Variants in HOMEZ observed in about 807,000 individuals in gnomAD.
HOMEZ encodes homeobox and leucine zipper protein Homez.
Under a neutral mutation model 50.1 loss-of-function variants are expected in HOMEZ, and 20 were observed. The observed-to-expected ratio is 0.40, with a 90% confidence interval of 0.28 to 0.58. The LOEUF (loss-of-function observed/expected upper bound fraction) is 0.58. Among genes scored for constraint, HOMEZ ranks in the 20% least tolerant of loss-of-function variants. The pLI, the probability that HOMEZ is intolerant of heterozygous loss-of-function variation, is 0.46. For synonymous variants in HOMEZ, 239 were observed against 254.7 expected (o/e 0.94, Z 0.59); for missense variants, 579 against 680.5 (o/e 0.85, Z 1.66).
rs148821950 is a variant in HOMEZ, at chr14:23,273,277, T to C, written c.*2298A>G. ...TGGATTTCATTTTTAGCTTTGGATA[T>C]ACTGTCCCATTGCCAATGTTAACGA... On this transcript the variant is annotated 3_prime_UTR_variant, in exon 2 of 2. Transcript: ENST00000357460. 1,775 of 158,468 alleles carry C rather than the reference T, an allele frequency of 0.011. 12 individuals are homozygous for C. The highest frequency in any genetic ancestry group is 0.015 in the Non-Finnish European group (1,089 of 72,112). 9.8% of individuals were successfully genotyped at this position (158,468 alleles called of 1,614,324 possible). A position where few individuals can be genotyped will look rare whatever the true frequency, so the allele number is the denominator to read the frequency against.
rs1886310666 is a variant in HOMEZ, at chr14:23,275,046, T to C, written c.*529A>G. 3 of 152,824 alleles carry C rather than the reference T, an allele frequency of 2.0e-5. No homozygotes were observed. Among genetic ancestry groups the C allele is most frequent in the Non-Finnish European group, 4.4e-5 (3 of 68,548 alleles). The allele number at this position is 152,824 out of a possible 1,614,324, so 9.5% of individuals were successfully genotyped here. On this transcript the variant is annotated 3_prime_UTR_variant, in exon 2 of 2. Transcript: ENST00000357460. The stretch of plus-strand genomic sequence containing the variant: ...GGACTTATTGAGAATCTTGGTTGTC[T>C]AGGAAATGATCAGTTACTAAGAAAA...
chr14:23,281,268 T>A (rs1452275664), intron 1 of HOMEZ, among the ~76,000 whole-genome samples: 1 of 152,148 alleles, frequency 6.6e-6, no homozygotes, highest in East Asian at 1.9e-4. Flanking sequence ...AACAAGCAAA[T>A]CTAACTAACT....
At position 23,273,044 on chromosome 14, in the gene HOMEZ, C is replaced by A. The variant is rs915878049; in HGVS notation, c.*2531G>T. 2 of 511,506 alleles carry A rather than the reference C, an allele frequency of 3.9e-6. No individual in the cohort carries two copies. Among genetic ancestry groups the A allele is most frequent in the Non-Finnish European group, 3.4e-6 (1 of 290,782 alleles). The allele number at this position is 511,506 out of a possible 1,614,324, so 31.7% of individuals were successfully genotyped here. On this transcript the variant is annotated 3_prime_UTR_variant, in exon 2 of 2. Coordinates refer to ENST00000357460, the MANE Select transcript of HOMEZ (RefSeq NM_020834.3). ...CTCCCCCCATCTTTACCCTATTCACCCTTATCACCTCCCAGGACAGTGGTC... is the reference window on the plus strand; with the variant it reads ...CTCCCCCCATCTTTACCCTATTCACACTTATCACCTCCCAGGACAGTGGTC...
At chr14:23,280,031 G>A (rs1225314594) in intron 1 of HOMEZ, among the ~76,000 whole-genome samples, 1 of 151,978 alleles carries the variant, frequency 6.6e-6, no homozygotes, top group Non-Finnish European at 1.5e-5. Context: ...ATATCTGGAA[G>A]GTAGGACAGC....
chr14:23,283,141 A>AGTGGTG (rs886968322), intron 1 of HOMEZ, among the ~76,000 whole-genome samples: 1 of 152,140 alleles, frequency 6.6e-6, no homozygotes, highest in African/African-American at 2.4e-5. Context: ...CAGAGGAGGT[A>AGTGGTG]GTGGTGGTGG....
Position 23,276,353 on chromosome 14 carries a change from AAAG to A in HOMEZ, c.872_874del (p.Ser291del), listed in dbSNP as rs765822715. On this transcript the variant is annotated inframe_deletion, in exon 2 of 2. Transcript: ENST00000357460. This position sits in a 1 kb window ranked among gnomAD's most constrained non-coding sequence, Gnocchi z 4.1. ...AGTAGCTCCATTAGCCAGTACCTGGAAAGAAGAAGAGGTAGAGGAAGAAGAGGG... is the reference window on the plus strand; with the variant it reads ...AGTAGCTCCATTAGCCAGTACCTGGAAAGAAGAGGTAGAGGAAGAAGAGGG... 70 of 1,613,826 alleles carry A rather than the reference AAAG, an allele frequency of 4.3e-5. No homozygotes were observed. The highest frequency in any genetic ancestry group is 5.5e-5 in the Non-Finnish European group (65 of 1,179,876).
rs1886309676 is a variant in HOMEZ, at chr14:23,275,011, G to A, written c.*564C>T. The A allele has an allele frequency of 6.6e-6, 1 of 152,288 alleles. No homozygotes were observed. Among genetic ancestry groups the A allele is most frequent in the African/African-American group, 2.4e-5 (1 of 41,434 alleles). 9.4% of individuals were successfully genotyped at this position (152,288 alleles called of 1,614,324 possible). A position where few individuals can be genotyped will look rare whatever the true frequency, so the allele number is the denominator to read the frequency against. ...AGGAAAAGGAAATATTAATATTTGT[G>A]ATGAGACTGGGACTTATTGAGAATC... On this transcript the variant is annotated 3_prime_UTR_variant, in exon 2 of 2. Coordinates refer to ENST00000357460, the MANE Select transcript of HOMEZ (RefSeq NM_020834.3).
chr14:23,280,755 T>TTTATTTTA, intron 1 of HOMEZ, among the ~76,000 whole-genome samples: 4 of 85,150 alleles, frequency 4.7e-5, no homozygotes, highest in Non-Finnish European at 1.0e-4. Context: ...TTTATTTTAT[T>TTTATTTTA]TTATTTTATT....
intron 1 of HOMEZ, among the ~76,000 whole-genome samples, chr14:23,280,697 TTTTATATTTTTA>T (rs1212618084): frequency 1.7e-5 from 2 of 115,288 alleles, no homozygotes; most frequent in South Asian, 2.6e-4. Context: ...TTATTTTTAT[TTTTATATTTTTA>T]TTTTTATTTT....
chr14:23,276,756 G>A lies in HOMEZ; in HGVS notation c.472C>T (p.Pro158Ser). 1 of 1,614,032 alleles carries A rather than the reference G, an allele frequency of 6.2e-7. No homozygotes were observed. The highest frequency in any genetic ancestry group is 8.5e-7 in the Non-Finnish European group (1 of 1,179,900). The change falls in exon 2 of 2, where the codon CCA (proline) becomes TCA (serine). Residue 158 changes from proline to serine, a missense_variant. Physicochemically the swap from Pro to Ser is moderately conservative, Grantham distance 74. Transcript: ENST00000357460. The surrounding 1 kb of genome is among the most constrained non-coding windows in gnomAD (Gnocchi z 4.1). ...PPEEVPPPPV[P>S]APEQVGIGIG... ...CCAATACCAACTTGCTCTGGAGCTG[G>A]CACTGGAGGAGGAGGCACCTCCTCT...
In HOMEZ at chr14:23,272,918, TG is replaced by T; in HGVS notation, c.*2656del. 7.3e-7 allele frequency: 1 copy of T among 1,378,892 alleles called. No individual in the cohort carries two copies. Among genetic ancestry groups the T allele is most frequent in the Non-Finnish European group, 9.9e-7 (1 of 1,005,102 alleles). 85.4% of individuals were successfully genotyped at this position (1,378,892 alleles called of 1,614,324 possible). A position where few individuals can be genotyped will look rare whatever the true frequency, so the allele number is the denominator to read the frequency against. On this transcript the variant is annotated 3_prime_UTR_variant, in exon 2 of 2. Coordinates refer to ENST00000357460, the MANE Select transcript of HOMEZ (RefSeq NM_020834.3). ...TCATCTTCAAGATCTGATCTATACA[TG>T]CTGCTGAAGGATGGACTGTAGCTTC...
intron 1 of HOMEZ, among the ~76,000 whole-genome samples, chr14:23,281,799 AAATAATAATAATAATAATAAT>A (rs55828215): frequency 1.5e-5 from 2 of 137,448 alleles, no homozygotes; most frequent in Admixed American, 1.5e-4. Context: ...CTGTCTCTAC[AAATAATAATAATAATAATAAT>A]AATAATAATA....
chr14:23,275,612 TC>T lies in HOMEZ; in HGVS notation c.1615del (p.Asp539MetfsTer8). 4.6e-6 allele frequency: 7 copies of T among 1,528,306 alleles called. No individual in the cohort carries two copies. Among genetic ancestry groups the T allele is most frequent in the Non-Finnish European group, 5.3e-6 (6 of 1,134,726 alleles). 94.7% of individuals were successfully genotyped at this position (1,528,306 alleles called of 1,614,324 possible). On this transcript the variant is annotated frameshift_variant, in exon 2 of 2. Coordinates refer to ENST00000357460, the MANE Select transcript of HOMEZ (RefSeq NM_020834.3). LOFTEE classifies it high-confidence loss of function. Reference protein sequence around the residue: ...EEEEEEEEEDDDDDDDDVIIQ... With the variant: ...EEEEEEEEEDXDDDDDDVIIQ... The stretch of plus-strand genomic sequence containing the variant: ...GATCACATCATCATCATCATCATCA[TC>T]ATCTTCCTCCTCCTCCTCCTCCTCT...
intron 1 of HOMEZ, among the ~76,000 whole-genome samples, chr14:23,280,371 C>T (rs1418344931): frequency 1.3e-5 from 2 of 152,140 alleles, no homozygotes; most frequent in East Asian, 3.9e-4. Context: ...TCACTAACAG[C>T]CCCCTCCACA....
In HOMEZ at chr14:23,276,199, T is replaced by A. The variant is rs777767632; in HGVS notation, c.1029A>T (p.Arg343Ser). ...GGGAAAGGTACTCTGTGGGGCCAAC[T>A]CTACCTGGTACTGAGTTATGCCGTA... ...QGLRHNSVPG[R>S]VGPTEYLSPD... is the part of the protein sequence containing the mutation. Residue 343 changes from arginine to serine, a missense_variant, in exon 2 of 2, where the codon AGA becomes AGT. Coordinates refer to ENST00000357460, the MANE Select transcript of HOMEZ (RefSeq NM_020834.3). This position sits in a 1 kb window ranked among gnomAD's most constrained non-coding sequence, Gnocchi z 4.1. 2 of 1,614,026 alleles carry A rather than the reference T, an allele frequency of 1.2e-6. No homozygotes were observed. The highest frequency in any genetic ancestry group is 1.7e-6 in the Non-Finnish European group (2 of 1,179,902).
At chr14:23,281,851 C>G (rs1303102502) in intron 1 of HOMEZ, among the ~76,000 whole-genome samples, 1 of 149,152 alleles carries the variant, frequency 6.7e-6, no homozygotes, top group Non-Finnish European at 1.5e-5. Context: ...AAAATATTAG[C>G]TGGGCATGGT....
At chr14:23,282,259 G>A (rs1489087647) in intron 1 of HOMEZ, among the ~76,000 whole-genome samples, 2 of 152,080 alleles carry the variant, frequency 1.3e-5, no homozygotes, top group Admixed American at 1.3e-4. Flanking sequence ...GGAAACCAGT[G>A]TATCTGTGAT....
At position 23,277,124 on chromosome 14, in the gene HOMEZ, C is replaced by A. The variant is rs769131574; in HGVS notation, c.104G>T (p.Ser35Ile). ...MPPNKEASGL[S>I]SSPAGLICLP... is the part of the protein sequence containing the mutation. ...GCAGATGAGCCCCGCTGGTGAACTA[C>A]TGAGACCGCTGGCCTCTTTATTAGG... The change falls in exon 2 of 2, where the codon AGT (serine) becomes ATT (isoleucine). Residue 35 changes from serine (S) to isoleucine (I), a missense_variant. By Grantham distance (142) the Ser-to-Ile change is moderately radical. Transcript: ENST00000357460. 1 of 1,613,310 alleles carries A rather than the reference C, an allele frequency of 6.2e-7. No homozygotes were observed. The highest frequency in any genetic ancestry group is 8.5e-7 in the Non-Finnish European group (1 of 1,179,508).
intron 1 of HOMEZ, among the ~76,000 whole-genome samples, chr14:23,284,820 C>T (rs761741374): frequency 2.0e-5 from 3 of 152,296 alleles, no homozygotes; most frequent in South Asian, 4.1e-4. Context: ...ATTCATACTT[C>T]ACTTTAAATA....
Sources: gnomAD v4.1 joint callset for allele counts (sites outside exome capture counted in the v4.1 genomes callset) on GRCh38, gnomAD v4.1.1 for gene constraint, Gnocchi (gnomAD v3.1) non-coding constraint, MANE v1.5 for transcripts, NCBI Gene and HGNC (gene_info 2026-07-23, HGNC 2026-07-21) for gene names.